Variants in SEMA3E observed in about 807,000 individuals in gnomAD.
The protein encoded by SEMA3E is semaphorin-3E.
SEMA3E carries 49 observed loss-of-function variants against 93.6 expected under a neutral mutation model. That is an observed-to-expected ratio of 0.52 (90% CI 0.42 to 0.66). The LOEUF (loss-of-function observed/expected upper bound fraction) is 0.66. Ranked by LOEUF, SEMA3E falls within the 30% of genes least tolerant of loss-of-function variation. The pLI, the probability that SEMA3E is intolerant of heterozygous loss-of-function variation, is 0.00. For synonymous variants in SEMA3E, 363 were observed against 330.7 expected (o/e 1.10, Z -1.06); for missense variants, 906 against 964.8 (o/e 0.94, Z 0.81).
chr7:83,407,305 C>A, intron 6 of SEMA3E, 66 bp from the exon 7 acceptor site: 4 of 1,304,398 alleles, frequency 3.1e-6, no homozygotes, highest in Admixed American at 1.8e-5. Flanking sequence ...ACAAGTTATT[C>A]CAATAAATTG....
At chr7:83,519,710 C>T (rs1371203106) in intron 1 of SEMA3E, among the ~76,000 whole-genome samples, 1 of 152,036 alleles carries the variant, frequency 6.6e-6, no homozygotes, top group Non-Finnish European at 1.5e-5. Context: ...ATCTTTAGCC[C>T]CTACTAAACC....
chr7:83,464,176 A>C (rs1317500466), intron 4 of SEMA3E, among the ~76,000 whole-genome samples: 4 of 151,960 alleles, frequency 2.6e-5, no homozygotes, highest in Admixed American at 1.3e-4. Context: ...AGTAGAATGG[A>C]CTAAAGGTCT....
At chr7:83,523,144 T>G (rs1791083337) in intron 1 of SEMA3E, among the ~76,000 whole-genome samples, 1 of 152,044 alleles carries the variant, frequency 6.6e-6, no homozygotes, top group African/African-American at 2.4e-5. Flanking sequence ...CATCAGAGAT[T>G]CATGTTCAGT....
intron 1 of SEMA3E, among the ~76,000 whole-genome samples, chr7:83,609,208 A>G (rs1793194296): frequency 6.6e-6 from 1 of 152,064 alleles, no homozygotes; most frequent in Non-Finnish European, 1.5e-5. Context: ...TTATGTTGAA[A>G]CAGTGTATGT....
chr7:83,631,503 T>A (rs900053164), intron 1 of SEMA3E, among the ~76,000 whole-genome samples: 3 of 152,174 alleles, frequency 2.0e-5, no homozygotes, highest in Non-Finnish European at 4.4e-5. Flanking sequence ...GAATGCAACT[T>A]TTACCATTTT....
intron 1 of SEMA3E, among the ~76,000 whole-genome samples, chr7:83,536,577 T>A (rs1791414019): frequency 6.6e-6 from 1 of 152,090 alleles, no homozygotes; most frequent in Non-Finnish European, 1.5e-5. Flanking sequence ...ACAGGCTGGT[T>A]GGACTTTTTA....
chr7:83,390,128 T>TGTGCACATATATGCGCGTATACGC (rs2115568923), intron 14 of SEMA3E, among the ~76,000 whole-genome samples: 1 of 64,834 alleles, frequency 1.5e-5, no homozygotes, highest in African/African-American at 5.9e-5. Flanking sequence ...CGCGTATACG[T>TGTGCACATATATGCGCGTATACGC]GTGCACATAT....
chr7:83,592,226 G>T (rs920106409), intron 1 of SEMA3E, among the ~76,000 whole-genome samples: 10 of 151,790 alleles, frequency 6.6e-5, no homozygotes, highest in African/African-American at 2.4e-4. Flanking sequence ...TTTTTTTGCT[G>T]TGAGAATTAC....
chr7:83,433,366 C>T (rs556868550), intron 4 of SEMA3E, among the ~76,000 whole-genome samples: 2 of 152,166 alleles, frequency 1.3e-5, no homozygotes, highest in African/African-American at 4.8e-5. Context: ...CAGTGAATCA[C>T]CTATAAAAGT....
At position 83,435,789 on chromosome 7, in the gene SEMA3E, C is replaced by T. The variant is rs78640791; in HGVS notation, c.457-17306G>A. 4.6e-3 allele frequency among the ~76,000 whole-genome samples: 703 copies of T among 152,180 alleles called. 4 individuals carry two copies. Among genetic ancestry groups the T allele is most frequent in the African/African-American group, 0.016 (679 of 41,540 alleles). On this transcript the variant is annotated intron_variant, in intron 4 of 16. Transcript: ENST00000643230. ...AATATTATTTATATCATTGGTCTTTCGTGATGTAAAATTCCATGGTTAATA... is the reference window on the plus strand; with the variant it reads ...AATATTATTTATATCATTGGTCTTTTGTGATGTAAAATTCCATGGTTAATA...
intron 4 of SEMA3E, among the ~76,000 whole-genome samples, chr7:83,442,457 T>G (rs1277373450): frequency 6.6e-6 from 1 of 152,196 alleles, no homozygotes; most frequent in Non-Finnish European, 1.5e-5. Flanking sequence ...GCTCCTTTAC[T>G]TTTATACTCT....
intron 4 of SEMA3E, among the ~76,000 whole-genome samples, chr7:83,422,834 G>C (rs540424476): frequency 2.0e-5 from 3 of 152,266 alleles, no homozygotes; most frequent in Admixed American, 1.3e-4. Flanking sequence ...TGTCAAATGC[G>C]TGAAGCAAAT....
intron 1 of SEMA3E, among the ~76,000 whole-genome samples, chr7:83,553,492 C>G (rs1156388762): frequency 6.6e-6 from 1 of 152,194 alleles, no homozygotes; most frequent in Non-Finnish European, 1.5e-5. Context: ...CATCTGGTTT[C>G]TTCCAGTTAA....
At chr7:83,555,686 ATTCT>A (rs1216625375) in intron 1 of SEMA3E, among the ~76,000 whole-genome samples, 1 of 152,170 alleles carries the variant, frequency 6.6e-6, no homozygotes, top group Non-Finnish European at 1.5e-5. Context: ...CTCCAGCTTA[ATTCT>A]TTCTAACAAT....
intron 1 of SEMA3E, among the ~76,000 whole-genome samples, chr7:83,571,691 C>G (rs1792289898): frequency 6.6e-6 from 1 of 152,128 alleles, no homozygotes; most frequent in Non-Finnish European, 1.5e-5. Flanking sequence ...TCTCACCACT[C>G]CTATTCAACA....
At chr7:83,429,468 CTAGAG>C (rs1390736671) in intron 4 of SEMA3E, among the ~76,000 whole-genome samples, 1 of 152,196 alleles carries the variant, frequency 6.6e-6, no homozygotes, top group African/African-American at 2.4e-5. Context: ...CCACGGTGTC[CTAGAG>C]TATTTGAAGC....
chr7:83,444,320 A>G (rs903488984), intron 4 of SEMA3E, among the ~76,000 whole-genome samples: 11 of 152,224 alleles, frequency 7.2e-5, no homozygotes, highest in Non-Finnish European at 1.5e-4. Context: ...GTTGGAGAGT[A>G]GAGTCATGAA....
intron 1 of SEMA3E, among the ~76,000 whole-genome samples, chr7:83,637,862 A>C (rs1433620974): frequency 6.6e-6 from 1 of 151,392 alleles, no homozygotes; most frequent in South Asian, 2.1e-4. Context: ...GATCCTTACA[A>C]GGCGGTAGGA....
intron 1 of SEMA3E, among the ~76,000 whole-genome samples, chr7:83,595,028 C>T (rs1792840816): frequency 6.6e-6 from 1 of 151,386 alleles, no homozygotes; most frequent in Non-Finnish European, 1.5e-5. Flanking sequence ...TAGTGATAGA[C>T]CTGGAGATTG....
Sources: allele counts gnomAD v4.1 joint callset (sites outside exome capture counted in the v4.1 genomes callset), GRCh38; gene constraint gnomAD v4.1.1; transcripts MANE v1.5; gene names NCBI Gene and HGNC (gene_info 2026-07-23, HGNC 2026-07-21).